Variants in CTNND2 observed in about 807,000 individuals in gnomAD.
CTNND2 encodes catenin delta 2.
Under a neutral mutation model 144.4 loss-of-function variants are expected in CTNND2, and 22 were observed. The ratio of observed to expected loss-of-function variants is 0.15; its 90% CI spans 0.11 to 0.22. CTNND2 has a LOEUF of 0.22. CTNND2 is among the 10% of genes least tolerant of loss of function. CTNND2 has a pLI of 1.00. For missense variants in CTNND2, 1,353 were observed against 1,618.8 expected, an observed-to-expected ratio of 0.84 and a Z score of 2.82; for synonymous variants, 751 against 695.6, an observed-to-expected ratio of 1.08 and a Z score of -1.25.
At chr5:11,845,961 G>T (rs543784556) in intron 1 of CTNND2, among the ~76,000 whole-genome samples, 1 of 152,244 alleles carries the variant, frequency 6.6e-6, no homozygotes, top group Admixed American at 6.5e-5. Context: ...ACTTTGATTT[G>T]TACTTTGACA....
intron 10 of CTNND2, among the ~76,000 whole-genome samples, chr5:11,218,780 G>A (rs1416545605): frequency 6.6e-6 from 1 of 152,208 alleles, no homozygotes; most frequent in Non-Finnish European, 1.5e-5. Flanking sequence ...CGAGCCAGGA[G>A]ACCAGCCTCT....
intron 12 of CTNND2, among the ~76,000 whole-genome samples, chr5:11,122,135 T>C (rs910616528): frequency 6.6e-6 from 1 of 152,160 alleles, no homozygotes; most frequent in African/African-American, 2.4e-5. Context: ...CTGTGCTCTA[T>C]GCTTACAGAA....
At chr5:11,158,975 A>G (rs1758497995) in intron 12 of CTNND2, among the ~76,000 whole-genome samples, 1 of 152,234 alleles carries the variant, frequency 6.6e-6, no homozygotes, top group African/African-American at 2.4e-5. Context: ...GTTGATTCTA[A>G]GAAATCTCAA....
At chr5:11,289,779 C>T (rs1192779220) in intron 9 of CTNND2, among the ~76,000 whole-genome samples, 1 of 152,206 alleles carries the variant, frequency 6.6e-6, no homozygotes, top group Admixed American at 6.5e-5. Context: ...AATGTCACCT[C>T]TCATCTCTTC....
intron 3 of CTNND2, among the ~76,000 whole-genome samples, chr5:11,474,198 A>T (rs1304138956): frequency 2.0e-5 from 3 of 152,230 alleles, no homozygotes; most frequent in African/African-American, 4.8e-5. Context: ...GATTTATATG[A>T]TTAAAACTTC....
At chr5:11,187,884 C>T (rs1735805586) in intron 11 of CTNND2, among the ~76,000 whole-genome samples, 2 of 152,106 alleles carry the variant, frequency 1.3e-5, no homozygotes, top group African/African-American at 2.4e-5. Flanking sequence ...GAGAAATGCA[C>T]ATCAAAACCA....
intron 3 of CTNND2, among the ~76,000 whole-genome samples, chr5:11,497,948 C>A (rs1770142945): frequency 6.6e-6 from 1 of 152,096 alleles, no homozygotes; most frequent in Non-Finnish European, 1.5e-5. Flanking sequence ...TCTAGCCAGG[C>A]AGCACATGCT....
intron 3 of CTNND2, among the ~76,000 whole-genome samples, chr5:11,484,670 T>C (rs905134834): frequency 6.6e-6 from 1 of 152,244 alleles, no homozygotes; most frequent in Non-Finnish European, 1.5e-5. Context: ...TCTGTTATTT[T>C]AACTATTCTA....
At chr5:11,804,157 A>G (rs1791868298) in intron 1 of CTNND2, among the ~76,000 whole-genome samples, 1 of 152,196 alleles carries the variant, frequency 6.6e-6, no homozygotes, top group Non-Finnish European at 1.5e-5. Flanking sequence ...GAGATACACT[A>G]TACAACTATT....
intron 9 of CTNND2, among the ~76,000 whole-genome samples, chr5:11,249,490 T>C (rs371406383): frequency 6.6e-6 from 1 of 152,156 alleles, no homozygotes; most frequent in African/African-American, 2.4e-5. Context: ...TCAGGGGGCT[T>C]GAATAATCTT....
chr5:11,380,991 C>G (rs912171600), intron 7 of CTNND2, among the ~76,000 whole-genome samples: 1 of 152,142 alleles, frequency 6.6e-6, no homozygotes, highest in Non-Finnish European at 1.5e-5. Flanking sequence ...CCACCCGGTC[C>G]CTCTGCAGCC....
At chr5:11,400,427 T>C (rs1435344599) in intron 5 of CTNND2, among the ~76,000 whole-genome samples, 1 of 151,842 alleles carries the variant, frequency 6.6e-6, no homozygotes, top group Admixed American at 6.6e-5. Context: ...ACCTGAGGGG[T>C]CACAGTGACT....
intron 10 of CTNND2, among the ~76,000 whole-genome samples, chr5:11,217,934 C>T (rs1278167725): frequency 1.3e-5 from 2 of 152,116 alleles, no homozygotes; most frequent in African/African-American, 4.8e-5. Flanking sequence ...TTATTATCCA[C>T]TGAAGACCTT....
At chr5:11,424,645 T>C (rs1262902504) in intron 3 of CTNND2, among the ~76,000 whole-genome samples, 1 of 152,132 alleles carries the variant, frequency 6.6e-6, no homozygotes, top group Admixed American at 6.6e-5. Flanking sequence ...CATAAAAATC[T>C]ATAGTTATTT....
Position 11,384,782 on chromosome 5 carries a change from C to G in CTNND2, c.1060G>C (p.Gly354Arg). The change falls in exon 7 of 22, where the codon GGC (glycine) becomes CGC (arginine). Residue 354 changes from glycine (G) to arginine (R), a missense_variant. This residue lies in a region of CTNND2 where 708 missense variants were observed against 706.4 expected (regional missense o/e 1.00). Coordinates refer to ENST00000304623, the MANE Select transcript of CTNND2 (RefSeq NM_001332.4). This position sits in a 1 kb window ranked among gnomAD's most constrained non-coding sequence, Gnocchi z 5.2. ...SPIHQLSSTI[G>R]TYATLSPTKR... is the part of the protein sequence containing the mutation. ...GTGGGCGACAGGGTGGCGTACGTGCCGATGGTGGAGCTCAGCTGGTGGATG... is the reference window on the plus strand; with the variant it reads ...GTGGGCGACAGGGTGGCGTACGTGCGGATGGTGGAGCTCAGCTGGTGGATG... 2 of 1,613,042 alleles carry G rather than the reference C, an allele frequency of 1.2e-6. No homozygotes were observed. Among genetic ancestry groups the G allele is most frequent in the Non-Finnish European group, 8.5e-7 (1 of 1,179,706 alleles).
rs139745251 is a variant in CTNND2 at position 11,012,978 on chromosome 5, T to C, written c.3084+4996A>G. Among the ~76,000 whole-genome samples, 574 of 152,316 alleles carry C rather than the reference T, an allele frequency of 3.8e-3. 3 individuals are homozygous for C. Among genetic ancestry groups the C allele is most frequent in the African/African-American group, 0.013 (533 of 41,576 alleles). Reference sequence around the variant, plus strand: ...TGACATATTAGAATTCAGCATGTGATGGGATTCATGCTAACCCCAAATATG... The same window carrying C: ...TGACATATTAGAATTCAGCATGTGACGGGATTCATGCTAACCCCAAATATG... On this transcript the variant is annotated intron_variant, in intron 18 of 21. Coordinates refer to ENST00000304623, the MANE Select transcript of CTNND2 (RefSeq NM_001332.4).
Position 11,068,849 on chromosome 5 carries a change from G to A in CTNND2, c.2788+13847C>T, listed in dbSNP as rs190537571. On this transcript the variant is annotated intron_variant, in intron 16 of 21. Coordinates refer to ENST00000304623, the MANE Select transcript of CTNND2 (RefSeq NM_001332.4). ...GGAGAATGGCGTGAACCTGGGAGGCGAAGCTTGCAGTGAGCCGAGATCGCA... is the reference window on the plus strand; with the variant it reads ...GGAGAATGGCGTGAACCTGGGAGGCAAAGCTTGCAGTGAGCCGAGATCGCA... Among the ~76,000 whole-genome samples, 6 of 152,282 alleles carry A rather than the reference G, an allele frequency of 3.9e-5. No individual in the cohort carries two copies. The East Asian group carries it at 5.8e-4, about 15-fold the overall frequency.
chr5:11,098,870 C>CTCCG, intron 14 of CTNND2, 122 bp from the exon 15 acceptor site: 3 of 844,028 alleles, frequency 3.6e-6, no homozygotes, highest in Non-Finnish European at 1.8e-6. Context: ...TGAACATAGA[C>CTCCG]TGCACGGAGG....
intron 9 of CTNND2, among the ~76,000 whole-genome samples, chr5:11,296,240 C>G (rs1748977157): frequency 6.6e-6 from 1 of 151,960 alleles, no homozygotes; most frequent in Admixed American, 6.6e-5. Context: ...AAATGCTCAC[C>G]ATCACTGGCC....
Sources: gnomAD v4.1 joint callset for allele counts (sites outside exome capture counted in the v4.1 genomes callset) on GRCh38, gnomAD v4.1.1 for gene constraint, gnomAD v4.1.1 regional missense constraint, Gnocchi (gnomAD v3.1) non-coding constraint, MANE v1.5 for transcripts, NCBI Gene and HGNC (gene_info 2026-07-23, HGNC 2026-07-21) for gene names.